The following PAPOLG variants were observed in gnomAD, a reference collection of about 807,000 sequenced individuals.
PAPOLG encodes PAP-gamma.
Under a neutral mutation model 99.0 loss-of-function variants are expected in PAPOLG, and 40 were observed. The ratio of observed to expected loss-of-function variants is 0.40; its 90% CI spans 0.31 to 0.53. PAPOLG has a LOEUF of 0.53. Among genes scored for constraint, PAPOLG ranks in the 20% least tolerant of loss-of-function variants. The pLI is 0.41. For missense variants in PAPOLG, 675 were observed against 884.1 expected (o/e 0.76, Z 3.00); for synonymous variants, 310 against 299.3 (o/e 1.04, Z -0.37).
In PAPOLG at chr2:60,781,891, C is replaced by T; in HGVS notation, c.913C>T (p.Pro305Ser). 1 of 1,613,854 alleles carries T rather than the reference C, an allele frequency of 6.2e-7. No homozygotes were observed. Residue 305 changes from proline to serine, a missense_variant, in exon 11 of 22, where the codon CCA becomes TCA. Physicochemically the swap from Pro to Ser is moderately conservative, Grantham distance 74. Around this residue, in one of 3 missense-constraint regions of PAPOLG, gnomAD observed 113 missense variants for 231.5 expected, o/e 0.49. Transcript: ENST00000238714. ...NLPVWDPRVN[P>S]SDRYHLMPII... is the part of the protein sequence containing the mutation. ...TCTGCTTCTAATTTCACAGGTAAAT[C>T]CATCAGATAGGTATCATCTCATGCC... is the stretch of plus-strand genomic sequence containing the variant.
chr2:60,769,590 G>A (rs1436159685), intron 5 of PAPOLG, among the ~76,000 whole-genome samples: 1 of 151,952 alleles, frequency 6.6e-6, no homozygotes. Context: ...AAAACCTAAT[G>A]GTTTCTACTA....
At chr2:60,761,672 T>A (rs1046873406) in intron 2 of PAPOLG, 69 bp from the exon 3 acceptor site, 1 of 1,359,898 alleles carries the variant, frequency 7.4e-7, no homozygotes, top group Non-Finnish European at 1.0e-6. Flanking sequence ...GTACTGCCTA[T>A]ATGGGTTTTT....
chr2:60,766,554 T>C (rs893420158), intron 3 of PAPOLG, among the ~76,000 whole-genome samples: 10 of 152,020 alleles, frequency 6.6e-5, no homozygotes, highest in African/African-American at 1.7e-4. Flanking sequence ...TAGTCTCAGA[T>C]ACTCTGTAAG....
At chr2:60,760,900 G>T (rs1397516804) in intron 2 of PAPOLG, among the ~76,000 whole-genome samples, 1 of 152,230 alleles carries the variant, frequency 6.6e-6, no homozygotes, top group Non-Finnish European at 1.5e-5. Context: ...CTGCTGTATT[G>T]AGAGTAATCT....
At chr2:60,756,576 C>G in intron 1 of PAPOLG, 81 bp downstream of exon 1, 1 of 1,441,332 alleles carries the variant, frequency 6.9e-7, no homozygotes, top group Non-Finnish European at 9.4e-7. Flanking sequence ...GTTTCCGTTC[C>G]CTGTCCCTTG....
chr2:60,762,014 A>T (rs938027941), intron 3 of PAPOLG, among the ~76,000 whole-genome samples: 1 of 152,182 alleles, frequency 6.6e-6, no homozygotes, highest in Non-Finnish European at 1.5e-5. Flanking sequence ...GAGTCCACAT[A>T]ATTGTCTTAT....
At chr2:60,756,637 TC>T in intron 1 of PAPOLG, 142 bp downstream of exon 1, 1 of 921,274 alleles carries the variant, frequency 1.1e-6, no homozygotes, top group East Asian at 2.9e-5. Flanking sequence ...TCCCGGCCGG[TC>T]CGCAAGGGCA....
intron 4 of PAPOLG, 43 bp from the exon 5 acceptor site, chr2:60,768,738 A>T: frequency 6.8e-7 from 1 of 1,465,378 alleles, no homozygotes; most frequent in South Asian, 1.3e-5. Context: ...CAAAGAATAT[A>T]ACACATAATA....
intron 18 of PAPOLG, 22 bp downstream of exon 18, chr2:60,793,737 T>C (rs1335311070): frequency 6.3e-7 from 1 of 1,585,292 alleles, no homozygotes; most frequent in Non-Finnish European, 8.6e-7. Flanking sequence ...AACTTGTATA[T>C]ATTAATAATT....
rs377324579 is a variant in PAPOLG at position 60,765,223 on chromosome 2, G to C, written c.247-3247G>C. On this transcript the variant is annotated intron_variant, in intron 3 of 21. Transcript: ENST00000238714. Reference sequence around the variant, plus strand: ...AGCAGAGGCTACAGGTACACATCCTGATGCCTAGCTACTTTTTTTTTTTTT... The same window carrying C: ...AGCAGAGGCTACAGGTACACATCCTCATGCCTAGCTACTTTTTTTTTTTTT... 1.9e-3 allele frequency among the ~76,000 whole-genome samples: 282 copies of C among 148,022 alleles called. 10 individuals are homozygous for C. In the South Asian group the frequency reaches 0.055, roughly 29 times the overall value.
At chr2:60,768,752 T>G in intron 4 of PAPOLG, 29 bp from the exon 5 acceptor site, 1 of 1,498,678 alleles carries the variant, frequency 6.7e-7, no homozygotes, top group Non-Finnish European at 9.0e-7. Context: ...CATAATATAT[T>G]CTTAATTAAG....
At chr2:60,776,059 G>A (rs1044416365) in intron 8 of PAPOLG, among the ~76,000 whole-genome samples, 2 of 152,150 alleles carry the variant, frequency 1.3e-5, no homozygotes, top group Non-Finnish European at 2.9e-5. Flanking sequence ...CATCAAGCCC[G>A]GCTCCAAAAT....
intron 5 of PAPOLG, 143 bp downstream of exon 5, chr2:60,769,033 A>T: frequency 1.5e-6 from 1 of 667,848 alleles, no homozygotes; most frequent in Non-Finnish European, 2.4e-6. Flanking sequence ...GTGATGATTA[A>T]ATCATGATTA....
chr2:60,758,299 A>G (rs1037436933), intron 1 of PAPOLG, among the ~76,000 whole-genome samples: 1 of 148,648 alleles, frequency 6.7e-6, no homozygotes, highest in Non-Finnish European at 1.5e-5. Context: ...AATACAGAAG[A>G]TAAATTAACC....
At chr2:60,777,464 A>T (rs1205125919) in intron 8 of PAPOLG, among the ~76,000 whole-genome samples, 5 of 150,884 alleles carry the variant, frequency 3.3e-5, no homozygotes, top group Non-Finnish European at 5.9e-5. Context: ...TCAAAAAAAA[A>T]TTTTTTTTTT....
At chr2:60,792,364 C>T in intron 17 of PAPOLG, 75 bp downstream of exon 17, 1 of 1,294,118 alleles carries the variant, frequency 7.7e-7, no homozygotes, top group Non-Finnish European at 1.1e-6. Flanking sequence ...CTTTTCTATA[C>T]CTCTGCTACT....
chr2:60,785,690 A>ATTTTTTTTTTTTTTTTTTTTT (rs774614184), intron 13 of PAPOLG, among the ~76,000 whole-genome samples: 1 of 136,442 alleles, frequency 7.3e-6, no homozygotes, highest in Non-Finnish European at 1.6e-5. Flanking sequence ...TACCTGGCTG[A>ATTTTTTTTTTTTTTTTTTTTT]TTTTTTTTTT....
Position 60,799,608 on chromosome 2 carries a change from GTTT to G in PAPOLG, c.*2450_*2452del, listed in dbSNP as rs1338072880. The G allele has an allele frequency of 8.7e-5, 13 of 149,196 alleles. No homozygotes were observed. The highest frequency in any genetic ancestry group is 3.0e-4 in the African/African-American group (12 of 39,410). The allele number at this position is 149,196 out of a possible 1,614,324, so 9.2% of individuals were successfully genotyped here. On this transcript the variant is annotated 3_prime_UTR_variant, in exon 22 of 22. Transcript: ENST00000238714. ...TGAGAGGCACTAAGTACATGTGTTTGTTTTGTTTTGTTTTGTTTTGTTTTGTTT... is the reference window on the plus strand; with the variant it reads ...TGAGAGGCACTAAGTACATGTGTTTGTGTTTTGTTTTGTTTTGTTTTGTTT...
rs569688768 is a variant in PAPOLG, at chr2:60,772,018, G to A, written c.604+388G>A. 1.4e-4 allele frequency among the ~76,000 whole-genome samples: 21 copies of A among 151,114 alleles called. No individual in the cohort carries two copies. The East Asian group carries it at 4.1e-3, about 29-fold the overall frequency. On this transcript the variant is annotated intron_variant, in intron 7 of 21. Coordinates refer to ENST00000238714, the MANE Select transcript of PAPOLG (RefSeq NM_022894.4). Reference sequence around the variant, plus strand: ...CCATTTTAAATTAATATAAACTTTTGTGTGTGAAGAATGGCTTCTTTTTTT... The same window carrying A: ...CCATTTTAAATTAATATAAACTTTTATGTGTGAAGAATGGCTTCTTTTTTT...
Sources: allele counts gnomAD v4.1 joint callset (sites outside exome capture counted in the v4.1 genomes callset), GRCh38; gene constraint gnomAD v4.1.1; regional missense constraint gnomAD v4.1.1; transcripts MANE v1.5; gene names NCBI Gene and HGNC (gene_info 2026-07-23, HGNC 2026-07-21).